Variants in USP49 observed in about 807,000 individuals in gnomAD.
USP49 encodes ubiquitin carboxyl-terminal hydrolase 49.
Under a neutral mutation model 58.6 loss-of-function variants are expected in USP49, and 24 were observed. The observed-to-expected ratio is 0.41, with a 90% confidence interval of 0.30 to 0.58. The LOEUF (loss-of-function observed/expected upper bound fraction) is 0.58. Ranked by LOEUF, USP49 falls within the 20% of genes least tolerant of loss-of-function variation. USP49 has a pLI of 0.30. For missense variants in USP49, 703 were observed against 866.1 expected (o/e 0.81, Z 2.36); for synonymous variants, 408 against 365.1 (o/e 1.12, Z -1.34).
intron 3 of USP49, among the ~76,000 whole-genome samples, chr6:41,846,504 G>A (rs1773925910): frequency 6.6e-6 from 1 of 152,102 alleles, no homozygotes; most frequent in Non-Finnish European, 1.5e-5. Flanking sequence ...ACAAATGAAT[G>A]AGTGAGAGGC....
At chr6:41,854,093 G>A (rs570474228) in intron 3 of USP49, among the ~76,000 whole-genome samples, 1 of 151,502 alleles carries the variant, frequency 6.6e-6, no homozygotes, top group South Asian at 2.1e-4. Flanking sequence ...GAGGCAGGTG[G>A]ATCACCTGAG....
At chr6:41,868,204 A>C (rs1774354159) in intron 3 of USP49, among the ~76,000 whole-genome samples, 1 of 152,258 alleles carries the variant, frequency 6.6e-6, no homozygotes, top group Non-Finnish European at 1.5e-5. Context: ...AGACAGTAAC[A>C]GTATCTACCT....
Position 41,798,717 on chromosome 6 carries a change from C to T in USP49, c.1876+7G>A. 1 of 1,614,056 alleles carries T rather than the reference C, an allele frequency of 6.2e-7. No individual in the cohort carries two copies. The highest frequency in any genetic ancestry group is 1.1e-5 in the South Asian group (1 of 91,080). ...GTCCCCCACCCCACAGAGTAAAGCGCACGCACCTCCCTCTGTGTTGTAGCA... is the reference window on the plus strand; with the variant it reads ...GTCCCCCACCCCACAGAGTAAAGCGTACGCACCTCCCTCTGTGTTGTAGCA... On this transcript the variant is annotated splice_region_variant and intron_variant, in intron 7 of 7. Coordinates refer to ENST00000682992, the MANE Select transcript of USP49 (RefSeq NM_001286554.2).
At chr6:41,813,898 T>C (rs890977107) in intron 3 of USP49, among the ~76,000 whole-genome samples, 6 of 152,246 alleles carry the variant, frequency 3.9e-5, no homozygotes, top group Non-Finnish European at 7.3e-5. Flanking sequence ...AGAAAGAAGA[T>C]GTGTTTAAGT....
In USP49 at chr6:41,817,233, C is replaced by T. The variant is rs529038225; in HGVS notation, c.-28-10222G>A. On this transcript the variant is annotated intron_variant, in intron 3 of 7. Transcript: ENST00000682992. The stretch of plus-strand genomic sequence containing the variant: ...GCGCGATCTCACTTACTGCAACCTC[C>T]GCCTCCCGGGTTCAAACGATTCTCC... 2.1e-5 allele frequency among the ~76,000 whole-genome samples: 3 copies of T among 146,334 alleles called. No homozygotes were observed. In the South Asian group the frequency reaches 6.6e-4, roughly 32 times the overall value.
intron 3 of USP49, among the ~76,000 whole-genome samples, chr6:41,867,517 G>A (rs1409505269): frequency 6.6e-6 from 1 of 151,598 alleles, no homozygotes; most frequent in Non-Finnish European, 1.5e-5. Context: ...GCTGAGGCAG[G>A]TGGATCACGA....
At chr6:41,801,377 A>G (rs191868139) in intron 5 of USP49, among the ~76,000 whole-genome samples, 1 of 152,306 alleles carries the variant, frequency 6.6e-6, no homozygotes, top group East Asian at 1.9e-4. Context: ...CAGATGATGT[A>G]TCACAGAGCT....
intron 3 of USP49, among the ~76,000 whole-genome samples, chr6:41,854,696 G>A (rs1774094952): frequency 6.6e-6 from 1 of 152,164 alleles, no homozygotes; most frequent in African/African-American, 2.4e-5. Context: ...ACACACGTGT[G>A]CATTTTAAAG....
chr6:41,863,271 C>A (rs569112863), intron 3 of USP49, among the ~76,000 whole-genome samples: 1 of 152,222 alleles, frequency 6.6e-6, no homozygotes, highest in East Asian at 1.9e-4. Context: ...AGTATTAGAT[C>A]CTAGTCTAGG....
chr6:41,883,520 C>G (rs779105439), intron 2 of USP49, among the ~76,000 whole-genome samples: 57 of 151,900 alleles, frequency 3.8e-4, no homozygotes, highest in Non-Finnish European at 1.3e-4. Flanking sequence ...TGGTGGTACA[C>G]GCCTGTAATC....
rs919191630 is a variant in USP49 at position 41,793,502 on chromosome 6, G to A, written c.*3031C>T. On this transcript the variant is annotated 3_prime_UTR_variant, in exon 8 of 8. Transcript: ENST00000682992. Reference sequence around the variant, plus strand: ...TCTCAATCTCTTGACCTTGTGATCCGCCCTCCTCGGCCTCCCAAAGTGCTG... The same window carrying A: ...TCTCAATCTCTTGACCTTGTGATCCACCCTCCTCGGCCTCCCAAAGTGCTG... 7 of 152,628 alleles carry A rather than the reference G, an allele frequency of 4.6e-5. No homozygotes were observed. The highest frequency in any genetic ancestry group is 2.0e-4 in the Admixed American group (3 of 15,258). 9.5% of individuals were successfully genotyped at this position (152,628 alleles called of 1,614,324 possible).
At chr6:41,859,061 C>T (rs923178061) in intron 3 of USP49, among the ~76,000 whole-genome samples, 27 of 152,196 alleles carry the variant, frequency 1.8e-4, no homozygotes, top group Non-Finnish European at 3.8e-4. Flanking sequence ...ATCATCAGTT[C>T]TAGCCCACAT....
intron 3 of USP49, among the ~76,000 whole-genome samples, chr6:41,835,024 T>C (rs184121162): frequency 1.3e-5 from 2 of 152,306 alleles, no homozygotes; most frequent in East Asian, 1.9e-4. Flanking sequence ...AGAAGACTGA[T>C]GATTCTTAAG....
intron 3 of USP49, among the ~76,000 whole-genome samples, chr6:41,856,754 C>A (rs1421562656): frequency 1.3e-5 from 2 of 152,168 alleles, no homozygotes; most frequent in Non-Finnish European, 2.9e-5. Flanking sequence ...TACATAAGTA[C>A]AAGTACAGTA....
At chr6:41,824,874 G>A (rs1460800077) in intron 3 of USP49, among the ~76,000 whole-genome samples, 1 of 152,054 alleles carries the variant, frequency 6.6e-6, no homozygotes, top group African/African-American at 2.4e-5. Flanking sequence ...AATATAAAGG[G>A]GGCCTTCTTT....
intron 3 of USP49, among the ~76,000 whole-genome samples, chr6:41,830,899 G>A (rs1773621715): frequency 6.6e-6 from 1 of 152,022 alleles, no homozygotes; most frequent in Non-Finnish European, 1.5e-5. Flanking sequence ...ATACACTGGT[G>A]CTACCTGTAC....
At chr6:41,797,547 A>T (rs1447147163) in intron 7 of USP49, 1 of 861,746 alleles carries the variant, frequency 1.2e-6, no homozygotes. Flanking sequence ...GGAAGACTCC[A>T]CTCTGGAGGA....
intron 3 of USP49, among the ~76,000 whole-genome samples, chr6:41,813,455 C>A (rs1280051107): frequency 6.6e-6 from 1 of 151,900 alleles, no homozygotes; most frequent in Admixed American, 6.6e-5. Context: ...AACTCCTCTG[C>A]TAAAAAAAAA....
chr6:41,872,196 T>TA (rs1165216821), intron 2 of USP49, among the ~76,000 whole-genome samples: 1 of 152,220 alleles, frequency 6.6e-6, no homozygotes, highest in Non-Finnish European at 1.5e-5. Flanking sequence ...ATTATATGTA[T>TA]AAGCATGTTT....
Sources: allele counts gnomAD v4.1 joint callset (sites outside exome capture counted in the v4.1 genomes callset), GRCh38; gene constraint gnomAD v4.1.1; transcripts MANE v1.5; gene names NCBI Gene and HGNC (gene_info 2026-07-23, HGNC 2026-07-21).